OGN: variants seen among roughly 807,000 people sequenced by gnomAD.
OGN encodes osteoglycin.
OGN carries 19 observed loss-of-function variants against 30.8 expected under a neutral mutation model. The observed-to-expected ratio is 0.62, with a 90% CI of 0.43 to 0.90. The LOEUF is 0.90. OGN is among the 40% of genes least tolerant of loss of function. OGN has a pLI of 0.00. For synonymous variants in OGN, 126 were observed against 128.3 expected (o/e 0.98, Z 0.12); for missense variants, 283 against 349.7 (o/e 0.81, Z 1.52).
intron 5 of OGN, among the ~76,000 whole-genome samples, chr9:92,386,685 T>C (rs115891247): frequency 0.015 from 2,335 of 152,268 alleles, 51 homozygotes; most frequent in African/African-American, 0.053. Context: ...CTCCTGTACC[T>C]CTGGAGTTTC....
chr9:92,394,860 G>A (rs1842831845), intron 3 of OGN, among the ~76,000 whole-genome samples: 1 of 152,072 alleles, frequency 6.6e-6, no homozygotes, highest in Non-Finnish European at 1.5e-5. Context: ...GCCCGCCTCA[G>A]CCTCCCAAAG....
At chr9:92,402,577 C>T (rs1843161262) in intron 2 of OGN, among the ~76,000 whole-genome samples, 1 of 152,120 alleles carries the variant, frequency 6.6e-6, no homozygotes, top group African/African-American at 2.4e-5. Context: ...AATTAGTTTG[C>T]CCATAAAGGT....
At chr9:92,399,569 T>C (rs1038504442) in intron 3 of OGN, among the ~76,000 whole-genome samples, 1 of 152,226 alleles carries the variant, frequency 6.6e-6, no homozygotes, top group East Asian at 1.9e-4. Flanking sequence ...AAATTTATTG[T>C]TCTGTTCTAT....
At chr9:92,399,108 T>G (rs1218337873) in intron 3 of OGN, among the ~76,000 whole-genome samples, 5 of 152,092 alleles carry the variant, frequency 3.3e-5, no homozygotes, top group African/African-American at 4.8e-5. Flanking sequence ...GTAAATGCAT[T>G]TTTTATTTTG....
At chr9:92,397,809 G>A (rs535704997) in intron 3 of OGN, among the ~76,000 whole-genome samples, 110 of 152,066 alleles carry the variant, frequency 7.2e-4, no homozygotes, top group African/African-American at 1.0e-3. Flanking sequence ...CAACATATAC[G>A]GATATAAACA....
chr9:92,400,808 T>C (rs1843081502), intron 3 of OGN, among the ~76,000 whole-genome samples: 1 of 152,234 alleles, frequency 6.6e-6, no homozygotes, highest in South Asian at 2.1e-4. Context: ...ATAATCCGTG[T>C]TTAAGTATTT....
At chr9:92,400,146 T>G (rs1843048754) in intron 3 of OGN, among the ~76,000 whole-genome samples, 1 of 152,138 alleles carries the variant, frequency 6.6e-6, no homozygotes, top group African/African-American at 2.4e-5. Context: ...CTTTTGTTTT[T>G]TGTTTTTGTT....
intron 1 of OGN, 173 bp from the exon 2 acceptor site, chr9:92,403,655 GTT>G: frequency 8.9e-7 from 1 of 1,126,566 alleles, no homozygotes; most frequent in Non-Finnish European, 1.1e-6. Context: ...TTGGAAAATA[GTT>G]TTACTTCTCT....
chr9:92,386,390 T>TAGAC, intron 5 of OGN, 94 bp from the exon 6 acceptor site: 2 of 752,010 alleles, frequency 2.7e-6, no homozygotes, highest in Non-Finnish European at 4.7e-6. Flanking sequence ...TATATGTCTA[T>TAGAC]ATATACAGAC....
At position 92,390,015 on chromosome 9, in the gene OGN, C is replaced by T. The variant is rs1000961559; in HGVS notation, c.469G>A (p.Asp157Asn). The T allele has an allele frequency of 1.2e-6, 2 of 1,607,162 alleles. No individual in the cohort carries two copies. The highest frequency in any genetic ancestry group is 1.7e-6 in the Non-Finnish European group (2 of 1,175,062). ...RLDFTGNLIE[D>N]IEDGTFSKLS... is the part of the protein sequence containing the mutation. ...TTTGAAAAAGTACCATCTTCTATATCTTCTATCAAATTTCCTGTAAAATCG... is the reference window on the plus strand; with the variant it reads ...TTTGAAAAAGTACCATCTTCTATATTTTCTATCAAATTTCCTGTAAAATCG... The change falls in exon 5 of 7, where the codon GAT (aspartate) becomes AAT (asparagine). Residue 157 changes from aspartate to asparagine, a missense_variant. Physicochemically the swap from Asp to Asn is conservative, Grantham distance 23 (BLOSUM62 1). Coordinates refer to ENST00000375561, the MANE Select transcript of OGN (RefSeq NM_014057.5).
At chr9:92,394,694 T>A (rs1402892750) in intron 3 of OGN, among the ~76,000 whole-genome samples, 1 of 149,946 alleles carries the variant, frequency 6.7e-6, no homozygotes, top group Non-Finnish European at 1.5e-5. Context: ...AGTCTCCGCC[T>A]CCCGGGTTCA....
At position 92,385,448 on chromosome 9, in the gene OGN, TTACTTTTTACTTA is replaced by T; in HGVS notation, c.*159_*171del. On this transcript the variant is annotated 3_prime_UTR_variant, in exon 7 of 7. Transcript: ENST00000375561. ...TTGTTTCGAACGTAGACATTCAGTC[TTACTTTTTACTTA>T]TTATATGTAAGATTTTGAACATCCT... 1.7e-6 allele frequency: 1 copy of T among 579,536 alleles called. No homozygotes were observed. The highest frequency in any genetic ancestry group is 1.9e-5 in the African/African-American group (1 of 53,018). 35.9% of individuals were successfully genotyped at this position (579,536 alleles called of 1,614,324 possible).
At chr9:92,403,530 G>A (rs1843205436) in intron 1 of OGN, 48 bp from the exon 2 acceptor site, 2 of 1,415,176 alleles carry the variant, frequency 1.4e-6, no homozygotes, top group East Asian at 4.9e-5. Flanking sequence ...AAAGCTTAGA[G>A]GATGTTTTGG....
intron 3 of OGN, 57 bp from the exon 4 acceptor site, chr9:92,393,301 C>G: frequency 7.3e-7 from 1 of 1,374,386 alleles, no homozygotes; most frequent in Non-Finnish European, 9.9e-7. Flanking sequence ...TATTTCTCCT[C>G]TAGTAGTAAA....
chr9:92,397,542 C>G (rs1360864794), intron 3 of OGN, among the ~76,000 whole-genome samples: 1 of 152,088 alleles, frequency 6.6e-6, no homozygotes, highest in Non-Finnish European at 1.5e-5. Context: ...GTTGGCCAGG[C>G]TTGTCTCAAA....
At chr9:92,385,867 C>A (rs1352200994) in intron 6 of OGN, 77 bp from the exon 7 acceptor site, 2 of 1,438,102 alleles carry the variant, frequency 1.4e-6, no homozygotes, top group African/African-American at 2.8e-5. Context: ...GTAAAGGAAA[C>A]CTAAGTCAGA....
chr9:92,403,181 G>A (rs1307563273), intron 2 of OGN, 53 bp downstream of exon 2: 1 of 1,215,812 alleles, frequency 8.2e-7, no homozygotes, highest in East Asian at 2.6e-5. Flanking sequence ...GCAAAAACAT[G>A]CATTTAAATG....
At chr9:92,393,334 T>G in intron 3 of OGN, 90 bp from the exon 4 acceptor site, 1 of 996,570 alleles carries the variant, frequency 1.0e-6, no homozygotes, top group Non-Finnish European at 1.5e-6. Flanking sequence ...ATGAATGCTA[T>G]TACTAATTTG....
intron 1 of OGN, chr9:92,403,780 TTAAAA>T (rs1470568500): frequency 2.7e-5 from 16 of 591,302 alleles, no homozygotes; most frequent in South Asian, 2.3e-4. Context: ...GTATAAATAG[TTAAAA>T]TAAAGTCCCA....
Sources: gnomAD v4.1 joint callset for allele counts (sites outside exome capture counted in the v4.1 genomes callset) on GRCh38, gnomAD v4.1.1 for gene constraint, MANE v1.5 for transcripts, NCBI Gene and HGNC (gene_info 2026-07-23, HGNC 2026-07-21) for gene names.